FXR2: variants seen among roughly 807,000 people sequenced by gnomAD.
FXR2 encodes the protein FMR1 autosomal homolog 2, also known as RNA-binding protein FXR2.
In FXR2, 9 loss-of-function variants were observed where a neutral mutation model predicts 87.3. The observed-to-expected ratio is 0.10, with a 90% CI of 0.06 to 0.18. The LOEUF (loss-of-function observed/expected upper bound fraction) is 0.18. Ranked by LOEUF, FXR2 falls within the 10% of genes least tolerant of loss-of-function variation. The pLI, the probability that FXR2 is intolerant of heterozygous loss-of-function variation, is 1.00. For synonymous variants in FXR2, 331 were observed against 328.3 expected, an observed-to-expected ratio of 1.01 and a Z score of -0.09; for missense variants, 661 against 893.6, an observed-to-expected ratio of 0.74 and a Z score of 3.32.
chr17:7,602,337 G>A (rs938828305), intron 6 of FXR2, among the ~76,000 whole-genome samples: 4 of 152,070 alleles, frequency 2.6e-5, no homozygotes, highest in African/African-American at 9.7e-5. Context: ...AGGCCGAGGC[G>A]GGTGGATCAG....
At chr17:7,603,528 CAA>C (rs35153607) in intron 5 of FXR2, among the ~76,000 whole-genome samples, 163 of 106,818 alleles carry the variant, frequency 1.5e-3, no homozygotes, top group Middle Eastern at 4.7e-3. Context: ...ACTCTGTCTC[CAA>C]AAAAAAAAAA....
At position 7,609,979 on chromosome 17, in the gene FXR2, C is replaced by CATGTATGT. The variant is rs763597643; in HGVS notation, c.82-3831_82-3830insACATACAT. 1.4e-3 allele frequency among the ~76,000 whole-genome samples: 66 copies of CATGTATGT among 47,846 alleles called. 2 individuals carry two copies. The South Asian group carries it at 0.026, about 19-fold the overall frequency. The allele number at this position is 47,846 out of a possible 152,430, so 31.4% of individuals were successfully genotyped here. ...ACATATATATACATGTATATGTATA[C>CATGTATGT]ATATATATATACATGTATATGTATA... On this transcript the variant is annotated intron_variant, in intron 1 of 16. Transcript: ENST00000250113.
chr17:7,593,014 A>C lies in FXR2; in HGVS notation c.1498T>G (p.Ser500Ala). ...CTAATAGATGAAGAATTGTATCTCG[A>C]AGTGGGCCGGGGGGCAGGTGGGGGT... ...RGPPPAPRPTSRYNSSSISSV... is the reference protein window; with the variant it reads ...RGPPPAPRPTARYNSSSISSV... Residue 500 changes from serine to alanine, a missense_variant, in exon 13 of 17, where the codon TCG (serine) becomes GCG (alanine). Transcript: ENST00000250113. The surrounding 1 kb of genome is among the most constrained non-coding windows in gnomAD (Gnocchi z 6.1). The C allele has an allele frequency of 6.3e-7, 1 of 1,575,894 alleles. No homozygotes were observed. Among genetic ancestry groups the C allele is most frequent in the Non-Finnish European group, 8.6e-7 (1 of 1,163,632 alleles).
In FXR2 at chr17:7,594,784, T is replaced by G. The variant is rs1204342458; in HGVS notation, c.832-27A>C. 2 of 1,453,706 alleles carry G rather than the reference T, an allele frequency of 1.4e-6. No individual in the cohort carries two copies. Among genetic ancestry groups the G allele is most frequent in the African/African-American group, 2.8e-5 (2 of 71,838 alleles). The allele number at this position is 1,453,706 out of a possible 1,614,324, so 90.1% of individuals were successfully genotyped here. A position where few individuals can be genotyped will look rare whatever the true frequency, so the allele number is the denominator to read the frequency against. Reference sequence around the variant, plus strand: ...TAAAGGAAGAACAGCAGGGAGTTGTTACTAAAACAGAAGACCAGCTGGATG... The same window carrying G: ...TAAAGGAAGAACAGCAGGGAGTTGTGACTAAAACAGAAGACCAGCTGGATG... On this transcript the variant is annotated intron_variant, in intron 8 of 16. Coordinates refer to ENST00000250113, the MANE Select transcript of FXR2 (RefSeq NM_004860.4). This position sits in a 1 kb window ranked among gnomAD's most constrained non-coding sequence, Gnocchi z 5.1.
At chr17:7,596,854 G>A (rs534840750) in intron 7 of FXR2, among the ~76,000 whole-genome samples, 1 of 152,294 alleles carries the variant, frequency 6.6e-6, no homozygotes, top group East Asian at 1.9e-4. Context: ...TGTAATTCCA[G>A]CACTGTGGGA....
intron 3 of FXR2, among the ~76,000 whole-genome samples, chr17:7,604,402 G>A (rs1466660455): frequency 2.0e-5 from 3 of 150,326 alleles, no homozygotes; most frequent in African/African-American, 4.9e-5. Flanking sequence ...CCACTTCCAC[G>A]AAAAAAAAAG....
Position 7,610,209 on chromosome 17 carries a change from C to G in FXR2, c.82-4060G>C, listed in dbSNP as rs547994392. Reference sequence around the variant, plus strand: ...CTAGAATTATTCCAACCAGCCTCTTCCGCTGACTTTATCCAGTTCTTTACC... The same window carrying G: ...CTAGAATTATTCCAACCAGCCTCTTGCGCTGACTTTATCCAGTTCTTTACC... On this transcript the variant is annotated intron_variant, in intron 1 of 16. Coordinates refer to ENST00000250113, the MANE Select transcript of FXR2 (RefSeq NM_004860.4). 2.0e-5 allele frequency among the ~76,000 whole-genome samples: 3 copies of G among 152,058 alleles called. No homozygotes were observed. The South Asian group carries it at 6.2e-4, about 32-fold the overall frequency.
At position 7,594,052 on chromosome 17, in the gene FXR2, G is replaced by T. The variant is rs756948990; in HGVS notation, c.1021-48C>A. On this transcript the variant is annotated intron_variant, in intron 10 of 16. Coordinates refer to ENST00000250113, the MANE Select transcript of FXR2 (RefSeq NM_004860.4). The surrounding 1 kb of genome is among the most constrained non-coding windows in gnomAD (Gnocchi z 5.1). ...GATGGATCAGAAAGGAAAATGAAATGGAAGGATTAACGCCGCCCAGTCTCC... is the reference window on the plus strand; with the variant it reads ...GATGGATCAGAAAGGAAAATGAAATTGAAGGATTAACGCCGCCCAGTCTCC... The T allele has an allele frequency of 1.5e-5, 19 of 1,285,536 alleles. No individual in the cohort carries two copies. The highest frequency in any genetic ancestry group is 2.0e-5 in the Non-Finnish European group (18 of 880,072). The allele number at this position is 1,285,536 out of a possible 1,614,324, so 79.6% of individuals were successfully genotyped here.
rs766154486 is a variant in FXR2, at chr17:7,603,915, G to C, written c.301-10C>G. 1.1e-5 allele frequency: 18 copies of C among 1,613,566 alleles called. No homozygotes were observed. The highest frequency in any genetic ancestry group is 1.6e-4 in the Middle Eastern group (1 of 6,084). On this transcript the variant is annotated splice_polypyrimidine_tract_variant and intron_variant, in intron 4 of 16. Coordinates refer to ENST00000250113, the MANE Select transcript of FXR2 (RefSeq NM_004860.4). ...ATTCAATGACATAGAACTGGCACAT[G>C]GTAAAAAAGGAGAAGTTGTGGATGA...
At position 7,601,333 on chromosome 17, in the gene FXR2, G is replaced by C. The variant is rs2071754208; in HGVS notation, c.660+76C>G. On this transcript the variant is annotated intron_variant, in intron 7 of 16. Transcript: ENST00000250113. ...CTTAGTCTTTGTTCTGTAAACACAA[G>C]ATCATGGATGGAGGACAGGGTAGGA... is the stretch of plus-strand genomic sequence containing the variant. The C allele has an allele frequency of 1.4e-5, 12 of 842,834 alleles. No individual in the cohort carries two copies. In the South Asian group the frequency reaches 1.6e-4, roughly 12 times the overall value. The allele number at this position is 842,834 out of a possible 1,614,324, so 52.2% of individuals were successfully genotyped here.
chr17:7,593,021 C>T lies in FXR2; in HGVS notation c.1491G>A (p.Arg497=). Reference sequence around the variant, plus strand: ...ATGAAGAATTGTATCTCGAAGTGGGCCGGGGGGCAGGTGGGGGTCCCCTAC... The same window carrying T: ...ATGAAGAATTGTATCTCGAAGTGGGTCGGGGGGCAGGTGGGGGTCCCCTAC... ...GRGRGPPPAP[R]PTSRYNSSSI... Residue 497 remains arginine (R), a synonymous_variant, in exon 13 of 17, where the codon CGG becomes CGA. Coordinates refer to ENST00000250113, the MANE Select transcript of FXR2 (RefSeq NM_004860.4). The surrounding 1 kb of genome is among the most constrained non-coding windows in gnomAD (Gnocchi z 6.1). 1 of 1,577,006 alleles carries T rather than the reference C, an allele frequency of 6.3e-7. No homozygotes were observed. Among genetic ancestry groups the T allele is most frequent in the Non-Finnish European group, 8.6e-7 (1 of 1,164,310 alleles).
At chr17:7,611,839 GA>G (rs2071867432) in intron 1 of FXR2, among the ~76,000 whole-genome samples, 1 of 152,156 alleles carries the variant, frequency 6.6e-6, no homozygotes, top group Non-Finnish European at 1.5e-5. Flanking sequence ...GGTCAAAACG[GA>G]TAAGTATCTG....
intron 1 of FXR2, chr17:7,614,077 C>T (rs911637051): frequency 6.1e-6 from 3 of 488,292 alleles, no homozygotes; most frequent in Non-Finnish European, 1.2e-5. Flanking sequence ...TCTCCATGTG[C>T]TTGGATCGTG....
intron 1 of FXR2, among the ~76,000 whole-genome samples, chr17:7,608,802 T>C (rs760240541): frequency 2.6e-5 from 4 of 152,222 alleles, no homozygotes; most frequent in African/African-American, 9.6e-5. Flanking sequence ...ATTGCAGTGA[T>C]GGACTCAGTT....
Position 7,592,772 on chromosome 17 carries a change from GGCGGCGGGA to G in FXR2, c.1642_1650del (p.Ser548_Arg550del). On this transcript the variant is annotated inframe_deletion, in exon 14 of 17. Coordinates refer to ENST00000250113, the MANE Select transcript of FXR2 (RefSeq NM_004860.4). This position sits in a 1 kb window ranked among gnomAD's most constrained non-coding sequence, Gnocchi z 4.8. ...ACGGTCCTGTCTTCATCAGTGCGGC[GGCGGCGGGA>G]GCGGCGGCGCCTGGCACTTGCTGGG... 6.2e-7 allele frequency: 1 copy of G among 1,613,690 alleles called. No homozygotes were observed. Among genetic ancestry groups the G allele is most frequent in the Non-Finnish European group, 8.5e-7 (1 of 1,179,812 alleles).
intron 1 of FXR2, among the ~76,000 whole-genome samples, chr17:7,613,145 G>A (rs983616719): frequency 6.6e-6 from 1 of 151,768 alleles, no homozygotes; most frequent in African/African-American, 2.4e-5. Context: ...ATTTCCAAGG[G>A]CATGAGAAAC....
chr17:7,602,954 G>A lies in FXR2; in HGVS notation c.498C>T (p.Ala166=), dbSNP rs760086544. The change falls in exon 6 of 17, where the codon GCC becomes GCT. Residue 166 remains alanine (A), a synonymous_variant. Coordinates refer to ENST00000250113, the MANE Select transcript of FXR2 (RefSeq NM_004860.4). ...TTGTGATGTTGAGAAAGATGCAGTTGGCTCCCAGGGCTTTCTTGAACTCTT... is the reference window on the plus strand; with the variant it reads ...TTGTGATGTTGAGAAAGATGCAGTTAGCTCCCAGGGCTTTCTTGAACTCTT... ...VHKEFKKALG[A]NCIFLNITNS... is the part of the protein sequence containing the mutation. 1.3e-6 allele frequency: 2 copies of A among 1,595,748 alleles called. No homozygotes were observed. Among genetic ancestry groups the A allele is most frequent in the Non-Finnish European group, 8.6e-7 (1 of 1,164,376 alleles).
chr17:7,598,514 T>C lies in FXR2; in HGVS notation c.661-2520A>G, dbSNP rs368364378. On this transcript the variant is annotated intron_variant, in intron 7 of 16. Transcript: ENST00000250113. ...AGAAGGCACTGTTAACTCAATGGCTTCTCAGTATACGCACAATAAAATCCC... is the reference window on the plus strand; with the variant it reads ...AGAAGGCACTGTTAACTCAATGGCTCCTCAGTATACGCACAATAAAATCCC... 6.8e-4 allele frequency among the ~76,000 whole-genome samples: 104 copies of C among 151,844 alleles called. 2 individuals are homozygous for C. The South Asian group carries it at 0.021, about 31-fold the overall frequency.
rs1013976748 is a variant in FXR2 at position 7,592,784 on chromosome 17, G to A, written c.1639C>T (p.Arg547Cys). The change falls in exon 14 of 17, where the codon CGC becomes TGC. Residue 547 changes from arginine (R) to cysteine (C), a missense_variant. Coordinates refer to ENST00000250113, the MANE Select transcript of FXR2 (RefSeq NM_004860.4). The surrounding 1 kb of genome is among the most constrained non-coding windows in gnomAD (Gnocchi z 4.8). Reference sequence around the variant, plus strand: ...TCATCAGTGCGGCGGCGGCGGGAGCGGCGGCGCCTGGCACTTGCTGGGGGG... The same window carrying A: ...TCATCAGTGCGGCGGCGGCGGGAGCAGCGGCGCCTGGCACTTGCTGGGGGG... ...EPPPASARRR[R>C]SRRRRTDEDR... 7 of 1,613,488 alleles carry A rather than the reference G, an allele frequency of 4.3e-6. No homozygotes were observed. The highest frequency in any genetic ancestry group is 4.0e-5 in the African/African-American group (3 of 74,906).
Sources: allele counts gnomAD v4.1 joint callset (sites outside exome capture counted in the v4.1 genomes callset), GRCh38; gene constraint gnomAD v4.1.1; non-coding constraint Gnocchi (gnomAD v3.1); transcripts MANE v1.5; gene names NCBI Gene and HGNC (gene_info 2026-07-23, HGNC 2026-07-21).